The following MTMR9 variants were observed in gnomAD, a reference collection of about 807,000 sequenced individuals.
MTMR9 encodes myotubularin related protein 9.
MTMR9 carries 39 observed loss-of-function variants against 69.5 expected under a neutral mutation model. The ratio of observed to expected loss-of-function variants is 0.56; its 90% CI spans 0.43 to 0.73. MTMR9 has a LOEUF of 0.73. MTMR9 is among the 30% of genes least tolerant of loss of function. The pLI is 0.00. For synonymous variants in MTMR9, 354 were observed against 240.8 expected (o/e 1.47, Z -4.35); for missense variants, 900 against 671.2 (o/e 1.34, Z -3.77).
intron 1 of MTMR9, among the ~76,000 whole-genome samples, chr8:11,286,728 C>A (rs1385026606): frequency 6.6e-6 from 1 of 150,812 alleles, no homozygotes; most frequent in Non-Finnish European, 1.5e-5. Context: ...CTAAACCCCT[C>A]AGTCATTCAT....
At chr8:11,334,181 GTAT>G in the MTMR9 span, among the ~76,000 whole-genome samples, 1 of 152,168 alleles carries the variant, frequency 6.6e-6, no homozygotes, top group Non-Finnish European at 1.5e-5. Context: ...CCAGTTTGTA[GTAT>G]TCTGTTATAG....
intron 2 of MTMR9, chr8:11,298,700 T>C (rs957667648): frequency 9.7e-5 from 87 of 895,358 alleles, no homozygotes; most frequent in Admixed American, 1.9e-4. Context: ...CTAATTGATA[T>C]GGTATCCTTT....
intron 1 of MTMR9, among the ~76,000 whole-genome samples, chr8:11,289,078 A>G (rs1207040686): frequency 6.6e-6 from 1 of 152,142 alleles, no homozygotes; most frequent in Non-Finnish European, 1.5e-5. Flanking sequence ...AGGCTGAGGC[A>G]GGAGAATCAC....
chr8:11,334,234 A>G, the MTMR9 span, among the ~76,000 whole-genome samples: 2 of 152,244 alleles, frequency 1.3e-5, no homozygotes, highest in Non-Finnish European at 2.9e-5. Flanking sequence ...AAGTAAATAC[A>G]ATGGCAAACA....
intron 2 of MTMR9, among the ~76,000 whole-genome samples, chr8:11,295,691 T>TAAA (rs1799530558): frequency 1.3e-5 from 2 of 152,244 alleles, no homozygotes; most frequent in Non-Finnish European, 2.9e-5. Context: ...AAGTTTTGCT[T>TAAA]GATATTTTAT....
chr8:11,316,775 C>G lies in MTMR9; in HGVS notation c.1216C>G (p.Gln406Glu). ...VFLLFLDCVW[Q>E]ILRQFPCSFE... Reference sequence around the variant, plus strand: ...TCTTCTCTTCTTGGACTGCGTGTGGCAGATCCTTCGTCAGTTTCCCTGTTC... The same window carrying G: ...TCTTCTCTTCTTGGACTGCGTGTGGGAGATCCTTCGTCAGTTTCCCTGTTC... The change falls in exon 8 of 10, where the codon CAG (glutamine) becomes GAG (glutamate). Residue 406 changes from glutamine to glutamate, a missense_variant. Coordinates refer to ENST00000221086, the MANE Select transcript of MTMR9 (RefSeq NM_015458.4). The G allele has an allele frequency of 6.2e-7, 1 of 1,613,868 alleles. No individual in the cohort carries two copies. The highest frequency in any genetic ancestry group is 2.2e-5 in the East Asian group (1 of 44,832).
At chr8:11,318,850 T>G (rs1179189494) in intron 8 of MTMR9, 1 of 152,224 alleles carries the variant, frequency 6.6e-6, no homozygotes, top group African/African-American at 2.4e-5. Flanking sequence ...TAAAAAATTT[T>G]AAGTTTTGTT....
intron 1 of MTMR9, 28 bp from the exon 2 acceptor site, chr8:11,295,166 C>G (rs1442989154): frequency 4.9e-6 from 6 of 1,220,588 alleles, no homozygotes; most frequent in Non-Finnish European, 7.2e-6. Context: ...TATATGTGTT[C>G]CTAAACATGA....
rs1342326339 is a variant in MTMR9 at position 11,287,794 on chromosome 8, AATACATATTATATAATAC to A, written c.182+2728_182+2745del. Among the ~76,000 whole-genome samples the A allele has an allele frequency of 2.5e-4, 5 of 20,188 alleles. No homozygotes were observed. The East Asian group carries it at 0.045, about 184-fold the overall frequency. 13.2% of individuals were successfully genotyped at this position (20,188 alleles called of 152,430 possible). A position where few individuals can be genotyped will look rare whatever the true frequency, so the allele number is the denominator to read the frequency against. On this transcript the variant is annotated intron_variant, in intron 1 of 9. Coordinates refer to ENST00000221086, the MANE Select transcript of MTMR9 (RefSeq NM_015458.4). The stretch of plus-strand genomic sequence containing the variant: ...TATATATTTATTATATATTATATAT[AATACATATTATATAATAC>A]ATATAATATATAATATATAACATTA...
At chr8:11,334,586 G>A in the MTMR9 span, among the ~76,000 whole-genome samples, 1 of 151,994 alleles carries the variant, frequency 6.6e-6, no homozygotes, top group Non-Finnish European at 1.5e-5. Context: ...ACAAAAGACA[G>A]TCATTATGGG....
chr8:11,308,410 A>G (rs1260722765), intron 5 of MTMR9, among the ~76,000 whole-genome samples: 2 of 152,220 alleles, frequency 1.3e-5, no homozygotes, highest in Non-Finnish European at 2.9e-5. Flanking sequence ...TTTTTATGCC[A>G]GTGCCAAGCT....
At position 11,319,788 on chromosome 8, in the gene MTMR9, A is replaced by C; in HGVS notation, c.1436A>C (p.Asn479Thr). 1 of 1,614,120 alleles carries C rather than the reference A, an allele frequency of 6.2e-7. No homozygotes were observed. Among genetic ancestry groups the C allele is most frequent in the East Asian group, 2.2e-5 (1 of 44,878 alleles). ...KFTNPLFEAN[N>T]LVIWPSVAPQ... ...ACCAATCCCCTCTTTGAAGCCAACA[A>C]CCTTGTCATCTGGCCTTCAGTTGCT... The change falls in exon 9 of 10, where the codon AAC becomes ACC. Residue 479 changes from asparagine (N) to threonine (T), a missense_variant. Physicochemically the swap from Asn to Thr is moderately conservative, Grantham distance 65. Coordinates refer to ENST00000221086, the MANE Select transcript of MTMR9 (RefSeq NM_015458.4).
chr8:11,309,194 A>C (rs1190961505), intron 5 of MTMR9, among the ~76,000 whole-genome samples: 1 of 152,110 alleles, frequency 6.6e-6, no homozygotes, highest in Non-Finnish European at 1.5e-5. Context: ...CGGTGGGAAC[A>C]GGATTGCAAA....
chr8:11,298,791 AGT>A, intron 2 of MTMR9: 2 of 975,140 alleles, frequency 2.1e-6, no homozygotes, highest in Non-Finnish European at 2.4e-6. Context: ...GAATCTGCCT[AGT>A]GATAGAGACT....
At chr8:11,333,988 G>A in the MTMR9 span, among the ~76,000 whole-genome samples, 1 of 152,162 alleles carries the variant, frequency 6.6e-6, no homozygotes, top group Admixed American at 6.5e-5. Flanking sequence ...ATGGAAGTGG[G>A]TTCCTGATAA....
Position 11,309,472 on chromosome 8 carries a change from T to C in MTMR9, c.810-55T>C, listed in dbSNP as rs926525234. 8 of 1,496,344 alleles carry C rather than the reference T, an allele frequency of 5.3e-6. No individual in the cohort carries two copies. The Admixed American group carries it at 7.9e-5, about 15-fold the overall frequency. 92.7% of individuals were successfully genotyped at this position (1,496,344 alleles called of 1,614,324 possible). ...TGGAGGCTGAATCTTTGGTTTGGTT[T>C]CTTTATCTTTCTATTTTCTGGGTTT... is the stretch of plus-strand genomic sequence containing the variant. On this transcript the variant is annotated intron_variant, in intron 5 of 9. Coordinates refer to ENST00000221086, the MANE Select transcript of MTMR9 (RefSeq NM_015458.4).
At chr8:11,308,823 G>A (rs1395642696) in intron 5 of MTMR9, among the ~76,000 whole-genome samples, 5 of 152,090 alleles carry the variant, frequency 3.3e-5, no homozygotes, top group Non-Finnish European at 7.4e-5. Flanking sequence ...TTTGATAGGC[G>A]AAAGCTGTGC....
intron 7 of MTMR9, chr8:11,316,455 G>A (rs538229947): frequency 2.6e-5 from 10 of 387,108 alleles, no homozygotes; most frequent in African/African-American, 6.2e-5. Context: ...CCTTAGCCGC[G>A]CAGCCTCATT....
chr8:11,298,577 A>C (rs1799634602), intron 2 of MTMR9, among the ~76,000 whole-genome samples: 2 of 151,980 alleles, frequency 1.3e-5, no homozygotes, highest in Admixed American at 1.3e-4. Context: ...ATCCTTTTGC[A>C]TGCCTGATCT....
Sources: allele counts gnomAD v4.1 joint callset (sites outside exome capture counted in the v4.1 genomes callset), GRCh38; gene constraint gnomAD v4.1.1; transcripts MANE v1.5; gene names NCBI Gene and HGNC (gene_info 2026-07-23, HGNC 2026-07-21).